Variants in THSD7A observed in about 807,000 individuals in gnomAD.
The protein encoded by THSD7A is thrombospondin type 1 domain containing 7A.
In THSD7A, 96 loss-of-function variants were observed where a neutral mutation model predicts 231.3. The ratio of observed to expected loss-of-function variants is 0.41; its 90% CI spans 0.35 to 0.49. The LOEUF (loss-of-function observed/expected upper bound fraction) is 0.49, where lower values mean the gene tolerates loss of function less well. Ranked by LOEUF, THSD7A falls within the 20% of genes least tolerant of loss-of-function variation. The probability of loss-of-function intolerance (pLI) is 0.05; values close to 1 mark genes in which losing one functional copy is unlikely to be tolerated. For synonymous variants in THSD7A, 940 were observed against 743.3 expected, an observed-to-expected ratio of 1.26 and a Z score of -4.30; for missense variants, 2,290 against 2,070.2, an observed-to-expected ratio of 1.11 and a Z score of -2.06.
At chr7:11,598,757 A>C (rs1334532477) in intron 2 of THSD7A, among the ~76,000 whole-genome samples, 1 of 152,076 alleles carries the variant, frequency 6.6e-6, no homozygotes, top group Non-Finnish European at 1.5e-5. Context: ...AAGTGGCTCC[A>C]CTCACCATCA....
intron 1 of THSD7A, among the ~76,000 whole-genome samples, chr7:11,799,324 C>A (rs1205911173): frequency 3.9e-5 from 6 of 152,070 alleles, no homozygotes; most frequent in Admixed American, 6.6e-5. Flanking sequence ...GCTTTATCTT[C>A]CAGTGGAGAA....
At chr7:11,473,757 C>A (rs991684744) in intron 8 of THSD7A, among the ~76,000 whole-genome samples, 21 of 152,048 alleles carry the variant, frequency 1.4e-4, no homozygotes, top group African/African-American at 5.1e-4. Context: ...TCAAAAGCAC[C>A]CTGAGAAAAT....
rs536193671 is a variant in THSD7A at position 11,593,274 on chromosome 7, A to G, written c.1251T>C (p.Asp417=). ...EEKEPCLSQG[D]GVVPCATYGW... ...CTCACGTGGCACAGGGGACAACTCCATCTCCTTGAGACAAACAGGGTTCTT... is the reference window on the plus strand; with the variant it reads ...CTCACGTGGCACAGGGGACAACTCCGTCTCCTTGAGACAAACAGGGTTCTT... The change falls in exon 3 of 28, where the codon GAT becomes GAC. Residue 417 remains aspartate, a synonymous_variant. Transcript: ENST00000423059. 14 of 1,613,986 alleles carry G rather than the reference A, an allele frequency of 8.7e-6. No homozygotes were observed. The highest frequency in any genetic ancestry group is 1.6e-4 in the Middle Eastern group (1 of 6,062).
At chr7:11,408,096 A>T (rs1297581511) in intron 19 of THSD7A, among the ~76,000 whole-genome samples, 2 of 152,162 alleles carry the variant, frequency 1.3e-5, no homozygotes, top group Non-Finnish European at 2.9e-5. Flanking sequence ...GTGCCATTTT[A>T]TTGGCATTTG....
chr7:11,645,629 C>G (rs1234473177), intron 1 of THSD7A, among the ~76,000 whole-genome samples: 2 of 151,754 alleles, frequency 1.3e-5, no homozygotes, highest in African/African-American at 4.8e-5. Context: ...AGGTACCTTT[C>G]AAACAGCCTC....
chr7:11,713,851 T>C (rs967436753), intron 1 of THSD7A, among the ~76,000 whole-genome samples: 11 of 151,262 alleles, frequency 7.3e-5, no homozygotes, highest in Non-Finnish European at 1.5e-4. Flanking sequence ...TTAAATAGAA[T>C]ACTGGTAATA....
intron 1 of THSD7A, among the ~76,000 whole-genome samples, chr7:11,725,360 A>G (rs1328143184): frequency 6.6e-6 from 1 of 151,914 alleles, no homozygotes; most frequent in Non-Finnish European, 1.5e-5. Context: ...CACAGTTCCT[A>G]TGGTGAAGAC....
intron 1 of THSD7A, among the ~76,000 whole-genome samples, chr7:11,822,933 G>T (rs1216678706): frequency 6.6e-6 from 1 of 151,814 alleles, no homozygotes; most frequent in Non-Finnish European, 1.5e-5. Context: ...ATTTCTTTTG[G>T]TGTGCAGAAG....
At chr7:11,828,477 C>T (rs534446803) in intron 1 of THSD7A, among the ~76,000 whole-genome samples, 2 of 152,248 alleles carry the variant, frequency 1.3e-5, no homozygotes, top group African/African-American at 2.4e-5. Flanking sequence ...CAAATAACTT[C>T]TTTGTTCTTA....
intron 2 of THSD7A, among the ~76,000 whole-genome samples, chr7:11,630,572 C>T (rs1017368607): frequency 4.6e-5 from 7 of 152,110 alleles, no homozygotes; most frequent in African/African-American, 1.7e-4. Flanking sequence ...GATAGTTCTA[C>T]TTTTCTTGGC....
At chr7:11,641,260 T>TACA (rs1782069030) in intron 1 of THSD7A, among the ~76,000 whole-genome samples, 1 of 152,136 alleles carries the variant, frequency 6.6e-6, no homozygotes, top group Non-Finnish European at 1.5e-5. Flanking sequence ...AATAACCTGT[T>TACA]ACATTCCATG....
At chr7:11,635,768 A>G (rs1781815545) in intron 2 of THSD7A, among the ~76,000 whole-genome samples, 1 of 152,180 alleles carries the variant, frequency 6.6e-6, no homozygotes, top group African/African-American at 2.4e-5. Context: ...TTAGCTCACT[A>G]AAATAAGTAT....
intron 4 of THSD7A, among the ~76,000 whole-genome samples, chr7:11,574,726 G>A (rs56094756): frequency 0.3 from 46,233 of 151,650 alleles, 7,201 homozygotes; most frequent in Middle Eastern, 0.41. Flanking sequence ...GTGAGCCACC[G>A]CGCCCGGCCA....
intron 6 of THSD7A, among the ~76,000 whole-genome samples, chr7:11,503,892 A>C (rs76859072): frequency 6.6e-6 from 1 of 152,188 alleles, no homozygotes; most frequent in Non-Finnish European, 1.5e-5. Context: ...ATTGTGGAAA[A>C]CAGTATGGTG....
intron 2 of THSD7A, among the ~76,000 whole-genome samples, chr7:11,623,361 C>A (rs926332393): frequency 6.6e-6 from 1 of 151,886 alleles, no homozygotes; most frequent in Non-Finnish European, 1.5e-5. Flanking sequence ...GGGGTGAGTG[C>A]CTCATTAAAT....
chr7:11,534,319 C>T (rs983598155), intron 6 of THSD7A, among the ~76,000 whole-genome samples: 5 of 152,168 alleles, frequency 3.3e-5, no homozygotes, highest in African/African-American at 7.2e-5. Flanking sequence ...CTTGCTTTGA[C>T]TAGCAGAATG....
At chr7:11,546,549 A>C (rs1003127120) in intron 4 of THSD7A, among the ~76,000 whole-genome samples, 1 of 152,206 alleles carries the variant, frequency 6.6e-6, no homozygotes, top group Non-Finnish European at 1.5e-5. Flanking sequence ...CAAAGAATAT[A>C]AAAGCAATAA....
At chr7:11,675,773 T>G (rs1406651212) in intron 1 of THSD7A, among the ~76,000 whole-genome samples, 1 of 152,190 alleles carries the variant, frequency 6.6e-6, no homozygotes, top group African/African-American at 2.4e-5. Flanking sequence ...AGTAAGGGGC[T>G]TATAGATAAA....
chr7:11,444,575 G>A lies in THSD7A; in HGVS notation c.3064+1486C>T, dbSNP rs556687543. Among the ~76,000 whole-genome samples, 11 of 152,054 alleles carry A rather than the reference G, an allele frequency of 7.2e-5. No homozygotes were observed. The highest frequency in any genetic ancestry group is 3.4e-3 in the Middle Eastern group (1 of 294). On this transcript the variant is annotated intron_variant, in intron 13 of 27. Coordinates refer to ENST00000423059, the MANE Select transcript of THSD7A (RefSeq NM_015204.3). This position sits in a 1 kb window ranked among gnomAD's most constrained non-coding sequence, Gnocchi z 4.2. ...AATAAGAACACATGGGCACAGGGAG[G>A]GGAACATCACACACCGGGGTCTGTC...
Sources: gnomAD v4.1 joint callset for allele counts (sites outside exome capture counted in the v4.1 genomes callset) on GRCh38, gnomAD v4.1.1 for gene constraint, Gnocchi (gnomAD v3.1) non-coding constraint, MANE v1.5 for transcripts, NCBI Gene and HGNC (gene_info 2026-07-23, HGNC 2026-07-21) for gene names.